Variants in CHLSN observed in about 807,000 individuals in gnomAD.
CHLSN encodes protein cholesin.
chr7:1,001,571 G>A, the CHLSN span, among the ~76,000 whole-genome samples: 2 of 139,262 alleles, frequency 1.4e-5, no homozygotes, highest in Admixed American at 7.1e-5. Flanking sequence ...CTGTGGGTGG[G>A]GAGTCCTGTG....
At chr7:1,019,581 C>G in the CHLSN span, among the ~76,000 whole-genome samples, 2 of 152,230 alleles carry the variant, frequency 1.3e-5, no homozygotes, top group African/African-American at 4.8e-5. Context: ...AACCACAGAG[C>G]GGAGGTGGCC....
chr7:1,032,325 G>A, the CHLSN span, among the ~76,000 whole-genome samples: 448 of 152,372 alleles, frequency 2.9e-3, no homozygotes, highest in Non-Finnish European at 4.0e-3. Flanking sequence ...AGAAGGTGCC[G>A]TGGAGGCCTC....
the CHLSN span, chr7:985,282 A>G: frequency 6.4e-7 from 1 of 1,551,668 alleles, no homozygotes; most frequent in Non-Finnish European, 8.7e-7. Flanking sequence ...GCTGGGTCTC[A>G]TCGATGAGGT....
chr7:1,061,102 G>C, the CHLSN span, among the ~76,000 whole-genome samples: 1 of 152,200 alleles, frequency 6.6e-6, no homozygotes, highest in Non-Finnish European at 1.5e-5. Context: ...GCCTCTGCCC[G>C]GGAATTACAC....
the CHLSN span, among the ~76,000 whole-genome samples, chr7:1,023,668 CACACACACA>C: frequency 1.8e-4 from 18 of 99,504 alleles, no homozygotes; most frequent in South Asian, 6.8e-4. This position sits in a 1 kb window ranked among gnomAD's most constrained non-coding sequence, Gnocchi z 5.0. Context: ...CACACACACA[CACACACACA>C]CCAGCAACGC....
the CHLSN span, among the ~76,000 whole-genome samples, chr7:979,219 G>A: frequency 6.6e-6 from 1 of 152,150 alleles, no homozygotes; most frequent in Admixed American, 6.6e-5. Context: ...TTGCAATCCG[G>A]GAGGGTGTTT....
At chr7:1,016,221 A>G in the CHLSN span, among the ~76,000 whole-genome samples, 975 of 38,214 alleles carry the variant, frequency 0.026, 106 homozygotes, top group Middle Eastern at 0.056. Context: ...ACACAGCAGC[A>G]CACGCCAGCA....
the CHLSN span, among the ~76,000 whole-genome samples, chr7:1,023,342 G>A: frequency 1.3e-5 from 2 of 152,154 alleles, no homozygotes; most frequent in African/African-American, 4.8e-5. The surrounding 1 kb of genome is among the most constrained non-coding windows in gnomAD (Gnocchi z 5.0). Flanking sequence ...GTCAGCTGGA[G>A]GTTAGGGAAG....
chr7:1,136,299 C>CATATATAAATATATAAAAT, the CHLSN span, among the ~76,000 whole-genome samples: 2 of 96,040 alleles, frequency 2.1e-5, no homozygotes, highest in African/African-American at 9.1e-5. Context: ...TATATATAAA[C>CATATATAAATATATAAAAT]ATATATAAAT....
chr7:1,093,691 T>C, the CHLSN span: 2 of 469,312 alleles, frequency 4.3e-6, no homozygotes, highest in South Asian at 3.1e-5. Context: ...AATTTGTTTC[T>C]ACAGAAATAA....
At chr7:1,136,133 TATACATAA>T in the CHLSN span, among the ~76,000 whole-genome samples, 2 of 81,534 alleles carry the variant, frequency 2.5e-5, no homozygotes, top group Non-Finnish European at 4.7e-5. Context: ...TATATAAATA[TATACATAA>T]ATATATAAAT....
chr7:1,028,293 G>A, the CHLSN span: 1 of 1,060,978 alleles, frequency 9.4e-7, no homozygotes, highest in Non-Finnish European at 1.1e-6. Flanking sequence ...GGGCACGGAC[G>A]GCGCCGGGGC....
At chr7:1,117,759 C>G in the CHLSN span, among the ~76,000 whole-genome samples, 1 of 151,992 alleles carries the variant, frequency 6.6e-6, no homozygotes, top group African/African-American at 2.4e-5. Flanking sequence ...GCTCTAGGAC[C>G]GGCTTCCATC....
chr7:1,012,404 G>A, the CHLSN span, among the ~76,000 whole-genome samples: 1 of 152,234 alleles, frequency 6.6e-6, no homozygotes, highest in African/African-American at 2.4e-5. Flanking sequence ...GTCCCATATC[G>A]GGGCCAAGCC....
the CHLSN span, among the ~76,000 whole-genome samples, chr7:1,021,066 C>T: frequency 1.3e-5 from 2 of 151,000 alleles, no homozygotes; most frequent in African/African-American, 4.9e-5. Flanking sequence ...AGGCTGGGGA[C>T]CTTCAGGCAG....
the CHLSN span, among the ~76,000 whole-genome samples, chr7:978,861 A>T: frequency 3.9e-5 from 6 of 152,234 alleles, no homozygotes; most frequent in Non-Finnish European, 8.8e-5. Context: ...GAGACATTCC[A>T]CGAGGCCTGG....
chr7:1,120,597 G>A, the CHLSN span, among the ~76,000 whole-genome samples: 1 of 152,182 alleles, frequency 6.6e-6, no homozygotes, highest in Non-Finnish European at 1.5e-5. Flanking sequence ...CTGGCCAGCA[G>A]CTTCTCAAAA....
the CHLSN span, among the ~76,000 whole-genome samples, chr7:1,122,687 C>A: frequency 6.6e-6 from 1 of 152,182 alleles, no homozygotes. Context: ...ATCCTCACAA[C>A]CCGCTCAAGT....
At chr7:1,005,127 T>C in the CHLSN span, among the ~76,000 whole-genome samples, 1 of 152,140 alleles carries the variant, frequency 6.6e-6, no homozygotes, top group Admixed American at 6.5e-5. Flanking sequence ...CTGTCTCTAC[T>C]AAAAATACAA....
Sources: gnomAD v4.1 joint callset for allele counts (sites outside exome capture counted in the v4.1 genomes callset) on GRCh38, gnomAD v4.1.1 for gene constraint, Gnocchi (gnomAD v3.1) non-coding constraint, MANE v1.5 for transcripts, NCBI Gene and HGNC (gene_info 2026-07-23, HGNC 2026-07-21) for gene names.